BBS4: variants seen among roughly 807,000 people sequenced by gnomAD.
BBS4 encodes BBSome complex member BBS4.
BBS4 carries 58 observed loss-of-function variants against 71.4 expected under a neutral mutation model. The observed-to-expected ratio is 0.81, with a 90% CI of 0.66 to 1.01. The LOEUF is 1.01. BBS4 is among the 50% of genes least tolerant of loss of function. The pLI, the probability that BBS4 is intolerant of heterozygous loss-of-function variation, is 0.00. For missense variants in BBS4, 660 were observed against 607.9 expected (o/e 1.09, Z -0.90); for synonymous variants, 228 against 216.8 (o/e 1.05, Z -0.46).
Position 72,735,806 on chromosome 15 carries a change from G to T in BBS4, c.1107-19G>T. The T allele has an allele frequency of 1.2e-6, 2 of 1,614,036 alleles. No homozygotes were observed. Among genetic ancestry groups the T allele is most frequent in the South Asian group, 2.2e-5 (2 of 91,028 alleles). On this transcript the variant is annotated intron_variant, in intron 13 of 15. Transcript: ENST00000268057. ...TTGTTGCAGAGCCCCCAGCTCCATA[G>T]AATCTCTGTCTGCCACAGGTGTAAC...
chr15:72,691,501 CAT>C (rs1354842514), intron 1 of BBS4, among the ~76,000 whole-genome samples: 3 of 151,788 alleles, frequency 2.0e-5, no homozygotes, highest in Non-Finnish European at 4.4e-5. Context: ...ATAGTTTTAC[CAT>C]ATATGTTTAT....
intron 1 of BBS4, among the ~76,000 whole-genome samples, chr15:72,688,411 C>CTTTTTTTATTTTTTTTTTTTTTTTTTTT (rs2064915492): frequency 1.2e-5 from 1 of 83,052 alleles, no homozygotes; most frequent in African/African-American, 4.4e-5. Flanking sequence ...GGTATTTTAT[C>CTTTTTTTATTTTTTTTTTTTTTTTTTTT]TTTTTTTTTT....
At chr15:72,694,193 CTTT>C (rs34852416) in intron 1 of BBS4, among the ~76,000 whole-genome samples, 46 of 135,358 alleles carry the variant, frequency 3.4e-4, no homozygotes, top group East Asian at 2.1e-3. Context: ...CCTTTCTTTC[CTTT>C]TTTTTTTTTT....
chr15:72,711,124 C>G (rs2065363179), intron 3 of BBS4, among the ~76,000 whole-genome samples: 1 of 150,772 alleles, frequency 6.6e-6, no homozygotes, highest in East Asian at 2.0e-4. Flanking sequence ...TTTGACACCG[C>G]TGATCCGAAG....
intron 8 of BBS4, among the ~76,000 whole-genome samples, chr15:72,727,107 G>C (rs2065717372): frequency 6.6e-6 from 1 of 152,208 alleles, no homozygotes; most frequent in South Asian, 2.1e-4. Context: ...GTTGAATTGA[G>C]AAAGCTCTGT....
At chr15:72,731,767 A>G (rs781049087) in intron 12 of BBS4, 41 bp downstream of exon 12, 2 of 1,609,234 alleles carry the variant, frequency 1.2e-6, no homozygotes, top group Non-Finnish European at 1.7e-6. Context: ...TGCCATCTGT[A>G]ATGAGGGAAA....
At chr15:72,729,549 C>A in intron 9 of BBS4, 67 bp from the exon 10 acceptor site, 1 of 1,495,106 alleles carries the variant, frequency 6.7e-7, no homozygotes, top group South Asian at 1.1e-5. Context: ...CACGCCTGGT[C>A]TGGCCAGACT....
intron 2 of BBS4, chr15:72,697,885 A>G (rs1460492809): frequency 2.8e-5 from 12 of 429,944 alleles, no homozygotes; most frequent in Non-Finnish European, 5.7e-5. Context: ...TTTTTCAAGA[A>G]CAGGCAATGA....
rs113931214 is a variant in BBS4 at position 72,715,226 on chromosome 15, ACC to A, written c.221-62_221-61del. ...AGTTTTCTCTTCTCCAATTTTTCTG[ACC>A]CCAGGCTCCATTCTTCCCAGAACAT... On this transcript the variant is annotated intron_variant, in intron 4 of 15. Transcript: ENST00000268057. The A allele has an allele frequency of 5.1e-4, 613 of 1,212,500 alleles. 2 individuals are homozygous for A. The African/African-American group carries it at 8.5e-3, about 17-fold the overall frequency. The allele number at this position is 1,212,500 out of a possible 1,614,324, so 75.1% of individuals were successfully genotyped here. A position where few individuals can be genotyped will look rare whatever the true frequency, so the allele number is the denominator to read the frequency against.
At chr15:72,721,149 G>A (rs1034655104) in intron 6 of BBS4, among the ~76,000 whole-genome samples, 2 of 152,176 alleles carry the variant, frequency 1.3e-5, no homozygotes, top group Non-Finnish European at 2.9e-5. Flanking sequence ...ATATGGACAT[G>A]ATTTGTGATT....
intron 4 of BBS4, 108 bp from the exon 5 acceptor site, chr15:72,715,183 T>C: frequency 2.6e-6 from 2 of 767,460 alleles, no homozygotes; most frequent in Non-Finnish European, 4.5e-6. Flanking sequence ...CCAAAGGATT[T>C]ACTTGATGTG....
intron 14 of BBS4, 109 bp from the exon 15 acceptor site, chr15:72,736,653 C>G: frequency 9.8e-7 from 1 of 1,019,518 alleles, no homozygotes; most frequent in Non-Finnish European, 1.5e-6. Context: ...ACTGCTAGTA[C>G]GACCAGACAC....
At chr15:72,727,516 A>C (rs144493534) in intron 8 of BBS4, among the ~76,000 whole-genome samples, 1 of 152,306 alleles carries the variant, frequency 6.6e-6, no homozygotes, top group East Asian at 1.9e-4. Flanking sequence ...CCTAAATTAC[A>C]TAGAAAATTA....
At chr15:72,706,222 C>T (rs555946802) in intron 2 of BBS4, among the ~76,000 whole-genome samples, 6 of 152,050 alleles carry the variant, frequency 3.9e-5, no homozygotes, top group Admixed American at 2.0e-4. Context: ...CTGCAACCCC[C>T]GTCTCCTGGG....
chr15:72,731,739 T>A lies in BBS4; in HGVS notation c.1036+13T>A, dbSNP rs542762242. Reference sequence around the variant, plus strand: ...ATGCTCTTGGCAGGTAAGAAACATTTATGTGGAAAACTCTCTCTGCCATCT... The same window carrying A: ...ATGCTCTTGGCAGGTAAGAAACATTAATGTGGAAAACTCTCTCTGCCATCT... On this transcript the variant is annotated intron_variant, in intron 12 of 15. Coordinates refer to ENST00000268057, the MANE Select transcript of BBS4 (RefSeq NM_033028.5). 1 of 1,613,990 alleles carries A rather than the reference T, an allele frequency of 6.2e-7. No individual in the cohort carries two copies. The highest frequency in any genetic ancestry group is 1.3e-5 in the African/African-American group (1 of 75,050).
intron 2 of BBS4, among the ~76,000 whole-genome samples, chr15:72,702,802 C>CTTTTTTTTTTTTTTTTTTTTTTTTTTTT (rs59816410): frequency 1.4e-5 from 1 of 73,494 alleles, no homozygotes; most frequent in Non-Finnish European, 2.5e-5. Flanking sequence ...GGAGCTGACT[C>CTTTTTTTTTTTTTTTTTTTTTTTTTTTT]TTTTTTTTTT....
At chr15:72,692,891 C>G (rs996476861) in intron 1 of BBS4, among the ~76,000 whole-genome samples, 1 of 152,174 alleles carries the variant, frequency 6.6e-6, no homozygotes, top group Non-Finnish European at 1.5e-5. Context: ...AGCCACCACA[C>G]CTGGCTGATC....
chr15:72,689,321 T>A (rs2150989157), intron 1 of BBS4, among the ~76,000 whole-genome samples: 1 of 152,314 alleles, frequency 6.6e-6, no homozygotes, highest in African/African-American at 2.4e-5. Flanking sequence ...ACTAGCCCAG[T>A]GTGGGACGCA....
intron 7 of BBS4, among the ~76,000 whole-genome samples, chr15:72,723,371 G>A (rs2065610909): frequency 6.6e-6 from 1 of 152,136 alleles, no homozygotes; most frequent in Non-Finnish European, 1.5e-5. Flanking sequence ...TATCAGAGAA[G>A]ACAAGTTGAG....
Sources: allele counts gnomAD v4.1 joint callset (sites outside exome capture counted in the v4.1 genomes callset), GRCh38; gene constraint gnomAD v4.1.1; transcripts MANE v1.5; gene names NCBI Gene and HGNC (gene_info 2026-07-23, HGNC 2026-07-21).